Variants in MLIP observed in about 807,000 individuals in gnomAD.
MLIP encodes the protein muscular LMNA-interacting protein.
A neutral mutation model predicts 84.8 loss-of-function variants in MLIP; 79 were observed. The ratio of observed to expected loss-of-function variants is 0.93; its 90% CI spans 0.78 to 1.12. MLIP has a LOEUF of 1.12. Among genes scored for constraint, MLIP ranks in the 50% most tolerant of loss-of-function variants. The pLI, the probability that MLIP is intolerant of heterozygous loss-of-function variation, is 0.00. For missense variants in MLIP, 1,257 were observed against 1,160.6 expected, an observed-to-expected ratio of 1.08 and a Z score of -1.21; for synonymous variants, 504 against 463.0, an observed-to-expected ratio of 1.09 and a Z score of -1.14.
At chr6:54,020,183 T>C (rs1190069625) in intron 1 of MLIP, among the ~76,000 whole-genome samples, 1 of 152,200 alleles carries the variant, frequency 6.6e-6, no homozygotes, top group Non-Finnish European at 1.5e-5. Flanking sequence ...TATAAGACCA[T>C]GGTTTTGTTT....
At chr6:54,209,963 C>T in intron 11 of MLIP, among the ~76,000 whole-genome samples, 1 of 149,908 alleles carries the variant, frequency 6.7e-6, no homozygotes. Flanking sequence ...CCTATACATT[C>T]ATCTGTGTGA....
At chr6:54,025,004 ATT>A (rs79753738) in intron 1 of MLIP, among the ~76,000 whole-genome samples, 76,913 of 139,882 alleles carry the variant, frequency 0.55, 22,725 homozygotes, top group Non-Finnish European at 0.68. Context: ...TGCCCAGCTA[ATT>A]TTTTTTTTTT....
intron 11 of MLIP, chr6:54,216,658 T>C (rs1037854029): frequency 3.1e-6 from 3 of 980,924 alleles, no homozygotes; most frequent in East Asian, 1.1e-4. Flanking sequence ...AAATTTTTCA[T>C]ACTTCACAAG....
At chr6:54,082,366 G>A (rs576383670) in intron 1 of MLIP, among the ~76,000 whole-genome samples, 1 of 152,104 alleles carries the variant, frequency 6.6e-6, no homozygotes, top group Non-Finnish European at 1.5e-5. Flanking sequence ...AGGAACTGCC[G>A]AACATGTATA....
chr6:54,101,040 T>C (rs777859704), intron 1 of MLIP, among the ~76,000 whole-genome samples: 1 of 152,148 alleles, frequency 6.6e-6, no homozygotes, highest in Non-Finnish European at 1.5e-5. Flanking sequence ...GTCTAAATGG[T>C]GATTGGTTCC....
upstream of MLIP, among the ~76,000 whole-genome samples, chr6:54,110,557 CATT>C (rs1769377147): frequency 6.6e-6 from 1 of 152,176 alleles, no homozygotes. Context: ...TTATTTTACT[CATT>C]ATGTTTCCAT....
chr6:54,117,436 G>A (rs924300263), intron 1 of MLIP, among the ~76,000 whole-genome samples: 5 of 150,774 alleles, frequency 3.3e-5, no homozygotes, highest in South Asian at 2.1e-4. Flanking sequence ...GGATGGTCTC[G>A]ATCTCCTGAC....
At chr6:54,135,969 A>T (rs1332442982) in intron 3 of MLIP, among the ~76,000 whole-genome samples, 2 of 151,550 alleles carry the variant, frequency 1.3e-5, no homozygotes, top group Admixed American at 6.6e-5. Context: ...TTTCAGGTGG[A>T]TTGTATTTGT....
intron 4 of MLIP, among the ~76,000 whole-genome samples, chr6:54,139,923 A>G (rs1772145267): frequency 6.6e-6 from 1 of 152,174 alleles, no homozygotes; most frequent in Admixed American, 6.5e-5. Context: ...GTCATTTAAA[A>G]AATGTATTGG....
chr6:54,227,255 C>A lies in MLIP; in HGVS notation c.2719-3459C>A, dbSNP rs542539292. On this transcript the variant is annotated intron_variant, in intron 11 of 13. Transcript: ENST00000502396. ...AACTGTGAGTCAATTAAACCTCTTT[C>A]CTTTATAAATTACTGAGTCTCAGAT... is the stretch of plus-strand genomic sequence containing the variant. Among the ~76,000 whole-genome samples the A allele has an allele frequency of 5.9e-5, 9 of 152,210 alleles. No individual in the cohort carries two copies. The South Asian group carries it at 1.7e-3, about 28-fold the overall frequency.
At chr6:54,119,479 T>A (rs187643457) in intron 1 of MLIP, among the ~76,000 whole-genome samples, 171 of 152,312 alleles carry the variant, frequency 1.1e-3, no homozygotes, top group African/African-American at 3.8e-3. Flanking sequence ...GTAGAATTTT[T>A]AAAAAGTTGA....
At chr6:54,222,665 G>T (rs1235980792) in intron 11 of MLIP, among the ~76,000 whole-genome samples, 3 of 151,996 alleles carry the variant, frequency 2.0e-5, no homozygotes, top group African/African-American at 7.2e-5. Context: ...CTTGGCTATA[G>T]TTCTGCAGTG....
rs756515950 is a variant in MLIP, at chr6:54,202,127, C to G, written c.2612C>G (p.Pro871Arg). The change falls in exon 11 of 14, where the codon CCA becomes CGA. Residue 871 changes from proline (P) to arginine (R), a missense_variant. Coordinates refer to ENST00000502396, the MANE Select transcript of MLIP (RefSeq NM_001281747.2). ...SQLTKPGVIR[P>R]VPVKSRILLK... is the part of the protein sequence containing the mutation. Reference sequence around the variant, plus strand: ...AAGACTAAGCCTGGAGTAATTCGCCCAGTACCTGTAAAATCCAGAATATTA... The same window carrying G: ...AAGACTAAGCCTGGAGTAATTCGCCGAGTACCTGTAAAATCCAGAATATTA... 6.9e-6 allele frequency: 11 copies of G among 1,594,044 alleles called. No homozygotes were observed. The highest frequency in any genetic ancestry group is 8.6e-6 in the Non-Finnish European group (10 of 1,168,760).
intron 11 of MLIP, among the ~76,000 whole-genome samples, chr6:54,225,544 A>G (rs1389237999): frequency 6.6e-6 from 1 of 152,184 alleles, no homozygotes; most frequent in Non-Finnish European, 1.5e-5. Context: ...AATTTTCTGT[A>G]GCAAGTGTAA....
In MLIP at chr6:54,137,326, C is replaced by T. The variant is rs948372960; in HGVS notation, c.1257C>T (p.Ala419=). The T allele has an allele frequency of 2.6e-6, 4 of 1,536,058 alleles. No homozygotes were observed. The highest frequency in any genetic ancestry group is 1.7e-6 in the Non-Finnish European group (2 of 1,146,904). Residue 419 remains alanine, a synonymous_variant, in exon 4 of 14, where the codon GCC becomes GCT. Coordinates refer to ENST00000502396, the MANE Select transcript of MLIP (RefSeq NM_001281747.2). ...CTTCCCGGCTTGCCCTTCTCACTGC[C>T]ATTCTCAAGTCAAACCCTTCCCACC... is the stretch of plus-strand genomic sequence containing the variant. ...PVPSRLALLT[A]ILKSNPSHQR...
chr6:54,042,540 G>C (rs185634272), intron 1 of MLIP, among the ~76,000 whole-genome samples: 36 of 152,218 alleles, frequency 2.4e-4, no homozygotes, highest in African/African-American at 8.4e-4. Context: ...TCACCAGAAA[G>C]TCACAGTCTA....
Position 54,138,022 on chromosome 6 carries a change from T to G in MLIP, c.1953T>G (p.Phe651Leu). ...LPSLPVSSAD[F>L]ASLPNLRSSS... ...CACTCCCTGTCTCCAGTGCTGACTT[T>G]GCCTCTCTTCCCAACTTGAGGTCCT... Residue 651 changes from phenylalanine (F) to leucine (L), a missense_variant, in exon 4 of 14, where the codon TTT becomes TTG. Transcript: ENST00000502396. 6.5e-7 allele frequency: 1 copy of G among 1,536,124 alleles called. No individual in the cohort carries two copies. The highest frequency in any genetic ancestry group is 8.7e-7 in the Non-Finnish European group (1 of 1,146,876).
At chr6:54,051,811 T>C (rs546162712) in intron 1 of MLIP, among the ~76,000 whole-genome samples, 1 of 152,132 alleles carries the variant, frequency 6.6e-6, no homozygotes, top group African/African-American at 2.4e-5. Flanking sequence ...TTGGGCTATA[T>C]AAATAAAGTT....
Position 54,254,130 on chromosome 6 carries a change from T to G in MLIP, c.2923-3178T>G, listed in dbSNP as rs577828442. ...CTACGTAGAACTTGTTTTTTTGCTGTTTTTTTTTTTTTTTTACGTGGAGTG... is the reference window on the plus strand; with the variant it reads ...CTACGTAGAACTTGTTTTTTTGCTGGTTTTTTTTTTTTTTTACGTGGAGTG... On this transcript the variant is annotated intron_variant, in intron 12 of 13. Coordinates refer to ENST00000502396, the MANE Select transcript of MLIP (RefSeq NM_001281747.2). Among the ~76,000 whole-genome samples the G allele has an allele frequency of 6.0e-4, 42 of 70,308 alleles. 1 individual carries two copies. Among genetic ancestry groups the G allele is most frequent in the African/African-American group, 1.1e-3 (8 of 7,612 alleles). 46.1% of individuals were successfully genotyped at this position (70,308 alleles called of 152,430 possible).
Sources: allele counts gnomAD v4.1 joint callset (sites outside exome capture counted in the v4.1 genomes callset), GRCh38; gene constraint gnomAD v4.1.1; transcripts MANE v1.5; gene names NCBI Gene and HGNC (gene_info 2026-07-23, HGNC 2026-07-21).